ADAMTSL1: variants seen among roughly 807,000 people sequenced by gnomAD.
ADAMTSL1 encodes the protein ADAMTS-like protein 1.
ADAMTSL1 carries 126 observed loss-of-function variants against 201.8 expected under a neutral mutation model. The ratio of observed to expected loss-of-function variants is 0.62; its 90% confidence interval spans 0.54 to 0.72. ADAMTSL1 has a LOEUF of 0.72. Among genes scored for constraint, ADAMTSL1 ranks in the 30% least tolerant of loss-of-function variants. ADAMTSL1 has a pLI of 0.00. For missense variants in ADAMTSL1, 2,679 were observed against 2,277.8 expected, an observed-to-expected ratio of 1.18 and a Z score of -3.59; for synonymous variants, 1,121 against 903.4, an observed-to-expected ratio of 1.24 and a Z score of -4.32.
intron 2 of ADAMTSL1, among the ~76,000 whole-genome samples, chr9:18,185,892 G>A (rs1239990459): frequency 3.3e-5 from 5 of 152,116 alleles, no homozygotes; most frequent in African/African-American, 4.8e-5. Context: ...TGTGGCGTTG[G>A]ATGTGTTTGA....
chr9:18,574,315 C>G (rs1482297353), intron 4 of ADAMTSL1, 49 bp downstream of exon 4: 3 of 1,498,732 alleles, frequency 2.0e-6, no homozygotes, highest in African/African-American at 1.4e-5. Flanking sequence ...GTTTCAATGT[C>G]TTTGTGTAAA....
At chr9:18,098,679 G>A (rs759615140) in intron 1 of ADAMTSL1, among the ~76,000 whole-genome samples, 4 of 152,134 alleles carry the variant, frequency 2.6e-5, no homozygotes, top group Non-Finnish European at 5.9e-5. Context: ...CTATCTATAA[G>A]CCTTTTATTT....
At chr9:18,007,379 G>A (rs543654241) in intron 1 of ADAMTSL1, among the ~76,000 whole-genome samples, 1 of 152,150 alleles carries the variant, frequency 6.6e-6, no homozygotes, top group East Asian at 1.9e-4. Context: ...CATGTTTACA[G>A]TTATTAACTT....
chr9:18,639,935 G>A (rs1474371325), intron 7 of ADAMTSL1, among the ~76,000 whole-genome samples: 1 of 152,038 alleles, frequency 6.6e-6, no homozygotes, highest in Non-Finnish European at 1.5e-5. Flanking sequence ...ACATTCTGCT[G>A]GAAAAGTGCA....
intron 23 of ADAMTSL1, among the ~76,000 whole-genome samples, chr9:18,863,648 C>T (rs888225692): frequency 1.3e-5 from 2 of 152,158 alleles, no homozygotes; most frequent in South Asian, 2.1e-4. Flanking sequence ...TCATTCCTCT[C>T]AGCCAGCTGC....
At chr9:18,139,653 T>C (rs1467126628) in intron 1 of ADAMTSL1, among the ~76,000 whole-genome samples, 1 of 152,190 alleles carries the variant, frequency 6.6e-6, no homozygotes, top group South Asian at 2.1e-4. Flanking sequence ...ATATACAAAA[T>C]AACCCATATA....
At chr9:18,830,390 C>T (rs959937572) in intron 23 of ADAMTSL1, among the ~76,000 whole-genome samples, 3 of 152,148 alleles carry the variant, frequency 2.0e-5, no homozygotes, top group South Asian at 4.1e-4. Context: ...AATCAACTTT[C>T]GAGGAGAAAG....
chr9:18,830,913 A>G (rs1198345488), intron 23 of ADAMTSL1, among the ~76,000 whole-genome samples: 1 of 152,230 alleles, frequency 6.6e-6, no homozygotes, highest in Non-Finnish European at 1.5e-5. Flanking sequence ...AATGTTGACA[A>G]TAACAGCTAG....
At chr9:18,800,253 T>C (rs1822700451) in intron 20 of ADAMTSL1, among the ~76,000 whole-genome samples, 1 of 151,818 alleles carries the variant, frequency 6.6e-6, no homozygotes, top group Non-Finnish European at 1.5e-5. Context: ...GGCAAGCGCC[T>C]GTAATCCCAG....
rs534109063 is a variant in ADAMTSL1 at position 18,474,828 on chromosome 9, G to T, written c.63+533G>T. 2.6e-5 allele frequency among the ~76,000 whole-genome samples: 4 copies of T among 152,222 alleles called. No homozygotes were observed. In the East Asian group the frequency reaches 7.7e-4, roughly 29 times the overall value. On this transcript the variant is annotated intron_variant, in intron 1 of 28. Coordinates refer to ENST00000380548, the MANE Select transcript of ADAMTSL1 (RefSeq NM_001040272.6). ...TCTTAATTACTGCAAGTCATTTATG[G>T]ATAGAAGTTAATGCTAGGATTTATG...
intron 2 of ADAMTSL1, among the ~76,000 whole-genome samples, chr9:18,533,007 T>G (rs932160204): frequency 6.6e-6 from 1 of 152,024 alleles, no homozygotes; most frequent in Non-Finnish European, 1.5e-5. Flanking sequence ...AAATACTTAT[T>G]TTGAAAATTT....
At chr9:18,359,672 A>T (rs1167461687) in intron 2 of ADAMTSL1, among the ~76,000 whole-genome samples, 1 of 152,124 alleles carries the variant, frequency 6.6e-6, no homozygotes, top group Non-Finnish European at 1.5e-5. Flanking sequence ...ATCTTTTTCC[A>T]TCTTTTGTAA....
intron 2 of ADAMTSL1, among the ~76,000 whole-genome samples, chr9:18,171,190 A>G (rs1827872684): frequency 1.3e-5 from 2 of 152,082 alleles, no homozygotes; most frequent in Non-Finnish European, 2.9e-5. Flanking sequence ...ATAGATAACT[A>G]AAGAACCTAT....
At chr9:18,575,144 T>C (rs1337593324) in intron 4 of ADAMTSL1, among the ~76,000 whole-genome samples, 1 of 152,194 alleles carries the variant, frequency 6.6e-6, no homozygotes, top group African/African-American at 2.4e-5. Flanking sequence ...AAGAGAAATA[T>C]ATGTTTTAGT....
chr9:18,106,035 G>C (rs1824748242), intron 1 of ADAMTSL1, among the ~76,000 whole-genome samples: 1 of 152,144 alleles, frequency 6.6e-6, no homozygotes, highest in African/African-American at 2.4e-5. Flanking sequence ...TGAATTCCTA[G>C]AGTGACTCTC....
chr9:18,066,049 T>C (rs138891099), intron 1 of ADAMTSL1, among the ~76,000 whole-genome samples: 1 of 150,644 alleles, frequency 6.6e-6, no homozygotes, highest in African/African-American at 2.4e-5. Context: ...TTCTCCCTTA[T>C]TTAATCAGAA....
intron 2 of ADAMTSL1, among the ~76,000 whole-genome samples, chr9:18,340,065 T>C (rs552810201): frequency 2.6e-5 from 4 of 152,188 alleles, no homozygotes; most frequent in Non-Finnish European, 5.9e-5. Flanking sequence ...TCCTCTTCTT[T>C]TCACAGTGCT....
intron 4 of ADAMTSL1, among the ~76,000 whole-genome samples, chr9:18,583,712 G>C (rs1823273857): frequency 6.6e-6 from 1 of 152,182 alleles, no homozygotes; most frequent in South Asian, 2.1e-4. Flanking sequence ...CACCAGGACG[G>C]AGCTACCCAA....
chr9:18,144,837 C>T (rs988793838), intron 1 of ADAMTSL1, among the ~76,000 whole-genome samples: 3 of 152,160 alleles, frequency 2.0e-5, no homozygotes, highest in South Asian at 4.1e-4. Context: ...GATACCTGGC[C>T]GAGGATAACA....
Sources: gnomAD v4.1 joint callset for allele counts (sites outside exome capture counted in the v4.1 genomes callset) on GRCh38, gnomAD v4.1.1 for gene constraint, MANE v1.5 for transcripts, NCBI Gene and HGNC (gene_info 2026-07-23, HGNC 2026-07-21) for gene names.